Variants in LHFPL6 observed in about 807,000 individuals in gnomAD.
LHFPL6 encodes the protein LHFPL tetraspan subfamily member 6 protein.
In LHFPL6, 9 loss-of-function variants were observed where a neutral mutation model predicts 20.6. The observed-to-expected ratio is 0.44, with a 90% CI of 0.26 to 0.76. The LOEUF (loss-of-function observed/expected upper bound fraction) is 0.76. Ranked by LOEUF, LHFPL6 falls within the 30% of genes least tolerant of loss-of-function variation. The pLI is 0.20. For synonymous variants in LHFPL6, 105 were observed against 98.7 expected, an observed-to-expected ratio of 1.06 and a Z score of -0.38; for missense variants, 218 against 253.5, an observed-to-expected ratio of 0.86 and a Z score of 0.95.
intron 2 of LHFPL6, among the ~76,000 whole-genome samples, chr13:39,514,679 A>G (rs1311690323): frequency 2.6e-5 from 4 of 152,336 alleles, no homozygotes; most frequent in Non-Finnish European, 5.9e-5. Context: ...TTACATCCCC[A>G]ACCTGAGCAC....
intron 3 of LHFPL6, among the ~76,000 whole-genome samples, chr13:39,364,096 C>A (rs79896667): frequency 6.6e-6 from 1 of 152,110 alleles, no homozygotes; most frequent in Non-Finnish European, 1.5e-5. Context: ...TTATGTAGTG[C>A]GTGACTGTAC....
At chr13:39,579,260 C>T (rs947722508) in intron 2 of LHFPL6, among the ~76,000 whole-genome samples, 2 of 152,166 alleles carry the variant, frequency 1.3e-5, no homozygotes, top group Non-Finnish European at 2.9e-5. Context: ...AGGGCAGATA[C>T]TCTCCACCCA....
At chr13:39,373,547 G>T (rs865934115) in intron 3 of LHFPL6, among the ~76,000 whole-genome samples, 1 of 152,180 alleles carries the variant, frequency 6.6e-6, no homozygotes, top group Non-Finnish European at 1.5e-5. Context: ...TTTATACAGC[G>T]TACTAGGGTA....
At chr13:39,442,818 G>A (rs981033383) in intron 2 of LHFPL6, among the ~76,000 whole-genome samples, 7 of 151,928 alleles carry the variant, frequency 4.6e-5, no homozygotes, top group Admixed American at 2.6e-4. Flanking sequence ...TCCATCCCTC[G>A]CTTTTATGGT....
intron 2 of LHFPL6, among the ~76,000 whole-genome samples, chr13:39,474,790 C>A (rs1873039729): frequency 6.6e-6 from 1 of 151,670 alleles, no homozygotes; most frequent in African/African-American, 2.4e-5. Flanking sequence ...CAGGCCAGTA[C>A]CACAGACAGC....
At chr13:39,363,967 C>A (rs925508821) in intron 3 of LHFPL6, among the ~76,000 whole-genome samples, 1 of 152,190 alleles carries the variant, frequency 6.6e-6, no homozygotes, top group African/African-American at 2.4e-5. Context: ...TGTCATTGTG[C>A]AAACATCATA....
At chr13:39,590,518 T>C (rs546357742) in intron 2 of LHFPL6, among the ~76,000 whole-genome samples, 1 of 152,320 alleles carries the variant, frequency 6.6e-6, no homozygotes, top group East Asian at 1.9e-4. Flanking sequence ...TCAATTCTTG[T>C]GACATCCAAG....
At position 39,558,226 on chromosome 13, in the gene LHFPL6, G is replaced by A. The variant is rs190966853; in HGVS notation, c.385+42606C>T. On this transcript the variant is annotated intron_variant, in intron 2 of 3. Coordinates refer to ENST00000379589, the MANE Select transcript of LHFPL6 (RefSeq NM_005780.3). ...GAATAGTAACAGACTTTGTAGATGA[G>A]CTGTGGGGCCTTGGACAGGTCACCT... Among the ~76,000 whole-genome samples the A allele has an allele frequency of 5.9e-5, 9 of 152,288 alleles. No homozygotes were observed. In the East Asian group the frequency reaches 1.5e-3, roughly 26 times the overall value.
chr13:39,352,908 A>ATTGT (rs1869616065), intron 3 of LHFPL6, among the ~76,000 whole-genome samples: 1 of 31,656 alleles, frequency 3.2e-5, no homozygotes, highest in Non-Finnish European at 6.6e-5. Context: ...TATATATATA[A>ATTGT]ATGTATATAT....
intron 3 of LHFPL6, among the ~76,000 whole-genome samples, chr13:39,352,122 A>C (rs1406878508): frequency 4.6e-5 from 7 of 152,210 alleles, no homozygotes; most frequent in African/African-American, 1.7e-4. Context: ...CACACTTGGC[A>C]CCTTTGGCAA....
At chr13:39,580,599 A>G (rs1872252549) in intron 2 of LHFPL6, among the ~76,000 whole-genome samples, 1 of 152,120 alleles carries the variant, frequency 6.6e-6, no homozygotes, top group Admixed American at 6.5e-5. Flanking sequence ...GTTACCCCCA[A>G]TATCTAGAAT....
chr13:39,374,404 G>A (rs1330380584), intron 3 of LHFPL6, among the ~76,000 whole-genome samples: 17 of 152,098 alleles, frequency 1.1e-4, no homozygotes, highest in Non-Finnish European at 2.5e-4. Context: ...GAGGGGGCAA[G>A]GGTTGAAAAC....
chr13:39,577,191 A>T (rs1306271473), intron 2 of LHFPL6, among the ~76,000 whole-genome samples: 6 of 152,210 alleles, frequency 3.9e-5, no homozygotes. Flanking sequence ...TTCACTGGGC[A>T]GTTAAGAAGG....
intron 1 of LHFPL6, among the ~76,000 whole-genome samples, chr13:39,602,581 T>C (rs1342220150): frequency 1.3e-5 from 2 of 152,072 alleles, no homozygotes; most frequent in Non-Finnish European, 2.9e-5. Context: ...TTTAGCCCCC[T>C]GCCATTGCCT....
At chr13:39,423,052 C>T (rs921591440) in intron 2 of LHFPL6, among the ~76,000 whole-genome samples, 1 of 152,172 alleles carries the variant, frequency 6.6e-6, no homozygotes, top group Non-Finnish European at 1.5e-5. Context: ...ATAATAGCTC[C>T]AACCAGGTGC....
rs568000754 is a variant in LHFPL6 at position 39,593,086 on chromosome 13, A to C, written c.385+7746T>G. Among the ~76,000 whole-genome samples the C allele has an allele frequency of 1.1e-3, 162 of 152,170 alleles. 1 individual carries two copies. Among genetic ancestry groups the C allele is most frequent in the African/African-American group, 3.8e-3 (156 of 41,512 alleles). On this transcript the variant is annotated intron_variant, in intron 2 of 3. Transcript: ENST00000379589. Reference sequence around the variant, plus strand: ...CAAGACAGGGATGCCCTCTCTTACCACTCCTAATCAACATAGTGTTGGAAG... The same window carrying C: ...CAAGACAGGGATGCCCTCTCTTACCCCTCCTAATCAACATAGTGTTGGAAG...
chr13:39,497,453 A>G (rs1360567822), intron 2 of LHFPL6, among the ~76,000 whole-genome samples: 2 of 152,228 alleles, frequency 1.3e-5, no homozygotes, highest in Non-Finnish European at 2.9e-5. Context: ...ATTTCATGTC[A>G]TCTCTGGTGC....
intron 2 of LHFPL6, among the ~76,000 whole-genome samples, chr13:39,515,528 T>C (rs1241704802): frequency 6.6e-6 from 1 of 152,210 alleles, no homozygotes; most frequent in Non-Finnish European, 1.5e-5. Context: ...TTCTCCTTCC[T>C]GGGGATTTCT....
intron 3 of LHFPL6, among the ~76,000 whole-genome samples, chr13:39,365,095 C>T (rs1284651324): frequency 6.6e-6 from 1 of 152,158 alleles, no homozygotes; most frequent in African/African-American, 2.4e-5. Flanking sequence ...CTGTCTGTAG[C>T]TGCTATTTAT....
Sources: gnomAD v4.1 joint callset for allele counts (sites outside exome capture counted in the v4.1 genomes callset) on GRCh38, gnomAD v4.1.1 for gene constraint, MANE v1.5 for transcripts, NCBI Gene and HGNC (gene_info 2026-07-23, HGNC 2026-07-21) for gene names.